The following GDA variants were observed in gnomAD, a reference collection of about 807,000 sequenced individuals.
GDA encodes guanine deaminase.
A neutral mutation model predicts 59.6 loss-of-function variants in GDA; 18 were observed. That is an observed-to-expected ratio of 0.30 (90% CI 0.21 to 0.45). The LOEUF is 0.45. Ranked by LOEUF, GDA falls within the 20% of genes least tolerant of loss-of-function variation. The pLI is 1.00. For synonymous variants in GDA, 201 were observed against 201.1 expected, an observed-to-expected ratio of 1.00 and a Z score of 0.00; for missense variants, 427 against 552.3, an observed-to-expected ratio of 0.77 and a Z score of 2.27.
chr9:72,188,714 TG>T (rs1832148019), intron 1 of GDA, among the ~76,000 whole-genome samples: 1 of 152,096 alleles, frequency 6.6e-6, no homozygotes, highest in Non-Finnish European at 1.5e-5. Flanking sequence ...GAGTCCTCAC[TG>T]GGGTAATGCC....
downstream of GDA, among the ~76,000 whole-genome samples, chr9:72,258,577 C>T (rs80095822): frequency 0.044 from 6,688 of 152,218 alleles, 213 homozygotes; most frequent in African/African-American, 0.075. Context: ...CAGCTGGCCC[C>T]AAAGAAAATC....
chr9:72,231,193 A>C lies in GDA; in HGVS notation c.988+12A>C. ...AGGGCTGGGTACAGGTTAGTAGTTC[A>C]CCATTTGGAGCTATGGCAAAGTGGT... On this transcript the variant is annotated intron_variant, in intron 10 of 13. Coordinates refer to ENST00000358399, the MANE Select transcript of GDA (RefSeq NM_004293.5). 7.1e-7 allele frequency: 1 copy of C among 1,407,706 alleles called. No individual in the cohort carries two copies. The highest frequency in any genetic ancestry group is 1.0e-6 in the Non-Finnish European group (1 of 991,788). The allele number at this position is 1,407,706 out of a possible 1,614,324, so 87.2% of individuals were successfully genotyped here.
chr9:72,118,503 C>G (rs1564143250), intron 1 of GDA, among the ~76,000 whole-genome samples: 1 of 152,042 alleles, frequency 6.6e-6, no homozygotes, highest in Non-Finnish European at 1.5e-5. Context: ...TTGATTATTT[C>G]AACTCTATCT....
upstream of GDA, among the ~76,000 whole-genome samples, chr9:72,147,240 G>C (rs954285253): frequency 6.6e-6 from 1 of 152,076 alleles, no homozygotes; most frequent in African/African-American, 2.4e-5. Context: ...ACCGAGTCTT[G>C]GTCTGTCACC....
chr9:72,224,479 T>C (rs978016054), intron 7 of GDA, among the ~76,000 whole-genome samples: 3 of 152,178 alleles, frequency 2.0e-5, no homozygotes, highest in African/African-American at 7.2e-5. Context: ...CCCTCTTAGA[T>C]TTTGTGGTGC....
At chr9:72,225,445 C>T (rs1343973283) in intron 7 of GDA, among the ~76,000 whole-genome samples, 1 of 151,456 alleles carries the variant, frequency 6.6e-6, no homozygotes, top group African/African-American at 2.4e-5. Flanking sequence ...ACACCCACAT[C>T]CACACACACA....
At chr9:72,197,319 G>A (rs1564019676) in intron 2 of GDA, 2 of 152,446 alleles carry the variant, frequency 1.3e-5, no homozygotes, top group African/African-American at 4.8e-5. Flanking sequence ...GGGCTTGGAA[G>A]TGTGTGGGCG....
chr9:72,245,398 G>T, intron 12 of GDA, 120 bp downstream of exon 12: 1 of 686,908 alleles, frequency 1.5e-6, no homozygotes, highest in Non-Finnish European at 2.6e-6. Flanking sequence ...ATCTTAAAAT[G>T]GACGCTAGAG....
intron 1 of GDA, among the ~76,000 whole-genome samples, chr9:72,123,831 A>C (rs4745159): frequency 0.76 from 115,739 of 152,062 alleles, 44,141 homozygotes; most frequent in Middle Eastern, 0.8. Context: ...GTGAAATAGA[A>C]CTTGTGCAGT....
chr9:72,200,423 T>G (rs983910883), intron 2 of GDA, among the ~76,000 whole-genome samples: 1 of 149,808 alleles, frequency 6.7e-6, no homozygotes, highest in Non-Finnish European at 1.5e-5. Context: ...CTCGTCCTTT[T>G]CCTCTTCTCC....
chr9:72,230,490 C>CAAA (rs1253245279), intron 9 of GDA, among the ~76,000 whole-genome samples: 2 of 138,378 alleles, frequency 1.4e-5, no homozygotes, highest in African/African-American at 2.7e-5. Context: ...GACTCTGTCT[C>CAAA]AAAAAAAAAA....
At chr9:72,151,479 CT>C (rs372567778) in intron 1 of GDA, among the ~76,000 whole-genome samples, 42 of 152,106 alleles carry the variant, frequency 2.8e-4, no homozygotes, top group African/African-American at 9.6e-4. Context: ...GAGTATCTTA[CT>C]TTTAGAGTTG....
intron 1 of GDA, among the ~76,000 whole-genome samples, chr9:72,119,834 T>A (rs1825599694): frequency 6.6e-6 from 1 of 152,240 alleles, no homozygotes; most frequent in African/African-American, 2.4e-5. Flanking sequence ...ATTAGTCATA[T>A]TTTTTATGAG....
At chr9:72,161,967 T>C (rs1175436685) in intron 1 of GDA, among the ~76,000 whole-genome samples, 1 of 152,238 alleles carries the variant, frequency 6.6e-6, no homozygotes, top group Non-Finnish European at 1.5e-5. Flanking sequence ...GTAACATCGT[T>C]GGTGACTTCC....
downstream of GDA, among the ~76,000 whole-genome samples, chr9:72,258,485 T>C (rs1840909444): frequency 6.6e-6 from 1 of 152,036 alleles, no homozygotes; most frequent in Non-Finnish European, 1.5e-5. Flanking sequence ...CAGGGCAACA[T>C]GATATAAAGA....
intron 11 of GDA, 100 bp from the exon 12 acceptor site, chr9:72,245,047 TC>T (rs1840003443): frequency 8.6e-6 from 9 of 1,052,246 alleles, no homozygotes; most frequent in Middle Eastern, 2.1e-4. Context: ...TTTTTTTTTT[TC>T]TCCTAGCGAC....
chr9:72,182,693 T>A (rs1245479077), intron 1 of GDA, among the ~76,000 whole-genome samples: 1 of 152,194 alleles, frequency 6.6e-6, no homozygotes, highest in Non-Finnish European at 1.5e-5. Context: ...AGTTTTAGTG[T>A]TCATTGATGA....
chr9:72,127,283 A>G (rs1309449674), intron 1 of GDA, among the ~76,000 whole-genome samples: 1 of 152,160 alleles, frequency 6.6e-6, no homozygotes, highest in African/African-American at 2.4e-5. Flanking sequence ...GGGAAAATAG[A>G]TCTCTTCTGA....
At chr9:72,143,053 G>A (rs1826498027) in intron 1 of GDA, among the ~76,000 whole-genome samples, 1 of 151,370 alleles carries the variant, frequency 6.6e-6, no homozygotes, top group African/African-American at 2.4e-5. Flanking sequence ...ACAGGCATGA[G>A]CCACTGTACC....
Sources: allele counts gnomAD v4.1 joint callset (sites outside exome capture counted in the v4.1 genomes callset), GRCh38; gene constraint gnomAD v4.1.1; transcripts MANE v1.5; gene names NCBI Gene and HGNC (gene_info 2026-07-23, HGNC 2026-07-21).